Variants in C2orf74 observed in about 807,000 individuals in gnomAD.
The protein encoded by C2orf74 is uncharacterized protein C2orf74.
C2orf74 carries 14 observed loss-of-function variants against 17.9 expected under a neutral mutation model. The ratio of observed to expected loss-of-function variants is 0.78; its 90% CI spans 0.52 to 1.22. The LOEUF is 1.22. Among genes scored for constraint, C2orf74 ranks in the 50% most tolerant of loss-of-function variants. The pLI is 0.00. For synonymous variants in C2orf74, 79 were observed against 72.6 expected (o/e 1.09, Z -0.44); for missense variants, 217 against 218.4 (o/e 0.99, Z 0.04).
At chr2:61,154,138 G>T (rs1186408535) in intron 1 of C2orf74, among the ~76,000 whole-genome samples, 3 of 151,620 alleles carry the variant, frequency 2.0e-5, no homozygotes. Flanking sequence ...GGAGGCTGAG[G>T]CAGGAGAATC....
upstream of C2orf74, chr2:61,158,110 C>G: frequency 2.4e-6 from 1 of 421,954 alleles, no homozygotes; most frequent in South Asian, 1.7e-5. Context: ...CCCCCTTGCT[C>G]CAAAGAGAAC....
At chr2:61,150,236 T>C (rs898875292) in intron 1 of C2orf74, among the ~76,000 whole-genome samples, 3 of 152,154 alleles carry the variant, frequency 2.0e-5, no homozygotes, top group Non-Finnish European at 4.4e-5. Context: ...GCCCCAGGGA[T>C]CTAGGACTCC....
Position 61,164,779 on chromosome 2 carries a change from A to T in C2orf74, c.*252A>T, listed in dbSNP as rs1685680538. 1.3e-5 allele frequency: 4 copies of T among 303,440 alleles called. No homozygotes were observed. Among genetic ancestry groups the T allele is most frequent in the Non-Finnish European group, 2.4e-5 (4 of 165,496 alleles). The allele number at this position is 303,440 out of a possible 1,614,324, so 18.8% of individuals were successfully genotyped here. A position where few individuals can be genotyped will look rare whatever the true frequency, so the allele number is the denominator to read the frequency against. ...GATTGTATTGCCCTTAAAACTATCT[A>T]CTCAAACACTGTTCTGGCATGTGAA... On this transcript the variant is annotated 3_prime_UTR_variant, in exon 5 of 5. Coordinates refer to ENST00000432605, the MANE Select transcript of C2orf74 (RefSeq NM_001143959.4).
At chr2:61,149,495 G>C (rs1685161715) in intron 1 of C2orf74, among the ~76,000 whole-genome samples, 1 of 151,808 alleles carries the variant, frequency 6.6e-6, no homozygotes, top group Non-Finnish European at 1.5e-5. Context: ...CCTGGTCCAA[G>C]GTAGAGAGTG....
chr2:61,155,185 A>G (rs1240057979), intron 1 of C2orf74, among the ~76,000 whole-genome samples: 1 of 152,246 alleles, frequency 6.6e-6, no homozygotes, highest in Non-Finnish European at 1.5e-5. Context: ...CTTTTAATTC[A>G]ACAAAGAGAA....
At chr2:61,154,597 G>A (rs552658810) in intron 1 of C2orf74, among the ~76,000 whole-genome samples, 1 of 152,300 alleles carries the variant, frequency 6.6e-6, no homozygotes, top group Non-Finnish European at 1.5e-5. Flanking sequence ...AGAACCCTCT[G>A]TACTGTCTTC....
chr2:61,151,199 C>G (rs1312262741), intron 1 of C2orf74, among the ~76,000 whole-genome samples: 2 of 150,888 alleles, frequency 1.3e-5, no homozygotes, highest in Non-Finnish European at 3.0e-5. Context: ...GCCTGTAATC[C>G]CAGCTACTTG....
rs1335701470 is a variant in C2orf74 at position 61,162,500 on chromosome 2, C to T, written c.-15C>T. The T allele has an allele frequency of 6.5e-7, 1 of 1,546,450 alleles. No individual in the cohort carries two copies. Among genetic ancestry groups the T allele is most frequent in the South Asian group, 1.2e-5 (1 of 83,398 alleles). ...TCTGTGATTGTGAGAGTGGATGAGT[C>T]TTCTAGCTAAACCTATGAGCTTTGA... On this transcript the variant is annotated 5_prime_UTR_variant, in exon 2 of 5. Coordinates refer to ENST00000432605, the MANE Select transcript of C2orf74 (RefSeq NM_001143959.4).
chr2:61,152,968 C>G (rs190165304), intron 1 of C2orf74, among the ~76,000 whole-genome samples: 48 of 150,638 alleles, frequency 3.2e-4, no homozygotes, highest in Admixed American at 1.7e-3. Context: ...CCAGCCTCAA[C>G]ATGGAGAAAC....
Position 61,163,240 on chromosome 2 carries a change from G to T in C2orf74, c.390+8G>T, listed in dbSNP as rs959985783. 1.9e-6 allele frequency: 3 copies of T among 1,548,238 alleles called. No homozygotes were observed. Among genetic ancestry groups the T allele is most frequent in the Non-Finnish European group, 2.6e-6 (3 of 1,145,906 alleles). On this transcript the variant is annotated splice_region_variant and intron_variant, in intron 4 of 4. Coordinates refer to ENST00000432605, the MANE Select transcript of C2orf74 (RefSeq NM_001143959.4). Reference sequence around the variant, plus strand: ...GAAACTGGTCAAGAAGAGGTGATGTGTTTTTCTACTCTCAAAGAGCAGTTT... The same window carrying T: ...GAAACTGGTCAAGAAGAGGTGATGTTTTTTTCTACTCTCAAAGAGCAGTTT...
intron 1 of C2orf74, among the ~76,000 whole-genome samples, chr2:61,153,586 G>T (rs1461905832): frequency 1.4e-5 from 2 of 147,960 alleles, no homozygotes; most frequent in African/African-American, 4.9e-5. Flanking sequence ...CTGGCCAAAG[G>T]TGTGAAATTT....
intron 1 of C2orf74, among the ~76,000 whole-genome samples, chr2:61,152,815 TCCAG>T (rs1163768834): frequency 2.7e-5 from 3 of 112,822 alleles, no homozygotes; most frequent in Admixed American, 1.2e-4. Flanking sequence ...GCCATTGCAC[TCCAG>T]CCTGGGCAAC....
At chr2:61,153,184 CATT>C (rs1049358111) in intron 1 of C2orf74, among the ~76,000 whole-genome samples, 1 of 150,506 alleles carries the variant, frequency 6.6e-6, no homozygotes, top group Admixed American at 6.6e-5. Flanking sequence ...TACCAAGCAT[CATT>C]ATAAATGAAG....
chr2:61,147,114 A>T (rs1396532276), intron 1 of C2orf74, among the ~76,000 whole-genome samples: 1 of 152,070 alleles, frequency 6.6e-6, no homozygotes, highest in Non-Finnish European at 1.5e-5. Flanking sequence ...GGTTACAGTG[A>T]GCTGAGATCC....
chr2:61,158,013 G>A (rs1322248607), upstream of C2orf74: 2 of 471,058 alleles, frequency 4.2e-6, no homozygotes, highest in Admixed American at 4.7e-5. Context: ...CAGGCAGGAG[G>A]TAGGCAGTAG....
chr2:61,147,223 C>CTT (rs915253571), intron 1 of C2orf74, among the ~76,000 whole-genome samples: 2 of 101,870 alleles, frequency 2.0e-5, no homozygotes, highest in East Asian at 2.6e-4. Context: ...CTTTCCTTTC[C>CTT]TTTTTTTTTT....
chr2:61,159,006 TG>T (rs1685482328), upstream of C2orf74, among the ~76,000 whole-genome samples: 1 of 151,870 alleles, frequency 6.6e-6, no homozygotes, highest in Admixed American at 6.6e-5. Flanking sequence ...TTTGTTTGTT[TG>T]TTTGTTTTGA....
intron 1 of C2orf74, among the ~76,000 whole-genome samples, chr2:61,156,121 C>T (rs995030737): frequency 6.6e-6 from 1 of 152,082 alleles, no homozygotes; most frequent in African/African-American, 2.4e-5. Flanking sequence ...ATCACTTGAC[C>T]CTGGAAGGTT....
chr2:61,155,334 A>G (rs1285710021), intron 1 of C2orf74, among the ~76,000 whole-genome samples: 2 of 152,094 alleles, frequency 1.3e-5, no homozygotes, highest in African/African-American at 4.8e-5. Flanking sequence ...TATTTTAACA[A>G]TTTCTGTCTC....
Sources: allele counts gnomAD v4.1 joint callset (sites outside exome capture counted in the v4.1 genomes callset), GRCh38; gene constraint gnomAD v4.1.1; transcripts MANE v1.5; gene names NCBI Gene and HGNC (gene_info 2026-07-23, HGNC 2026-07-21).